Variants in PCDH15 observed in about 807,000 individuals in gnomAD.
PCDH15 encodes the protein protocadherin related 15.
In PCDH15, 129 loss-of-function variants were observed where a neutral mutation model predicts 178.5. The observed-to-expected ratio is 0.72, with a 90% CI of 0.63 to 0.84. The LOEUF is 0.84. Ranked by LOEUF, PCDH15 falls within the 40% of genes least tolerant of loss-of-function variation. The pLI is 0.00. For synonymous variants in PCDH15, 800 were observed against 732.0 expected, an observed-to-expected ratio of 1.09 and a Z score of -1.50; for missense variants, 2,230 against 2,099.9, an observed-to-expected ratio of 1.06 and a Z score of -1.21.
chr10:54,825,650 T>G (rs1046494399), intron 3 of PCDH15, among the ~76,000 whole-genome samples: 1 of 151,650 alleles, frequency 6.6e-6, no homozygotes, highest in African/African-American at 2.4e-5. Flanking sequence ...TTTCATGTGT[T>G]TTTTGGCTGC....
At chr10:54,737,992 G>T (rs1266030604) in intron 1 of PCDH15, among the ~76,000 whole-genome samples, 1 of 152,080 alleles carries the variant, frequency 6.6e-6, no homozygotes, top group Non-Finnish European at 1.5e-5. Flanking sequence ...GAAAGATCCA[G>T]CCAAATGGAT....
intron 15 of PCDH15, among the ~76,000 whole-genome samples, chr10:54,099,771 C>A (rs555124960): frequency 6.6e-6 from 1 of 151,954 alleles, no homozygotes; most frequent in African/African-American, 2.4e-5. Context: ...AATATAGCCC[C>A]TACCTTGAGA....
intron 18 of PCDH15, among the ~76,000 whole-genome samples, chr10:54,048,504 GTT>G (rs940103152): frequency 6.6e-6 from 1 of 152,056 alleles, no homozygotes; most frequent in Non-Finnish European, 1.5e-5. Flanking sequence ...TATTTCCTAG[GTT>G]TTCTTCCAGG....
intron 1 of PCDH15, among the ~76,000 whole-genome samples, chr10:54,759,516 C>A (rs145655640): frequency 6.6e-5 from 10 of 152,254 alleles, no homozygotes; most frequent in African/African-American, 2.2e-4. Flanking sequence ...TAGAAACAAC[C>A]TGCATGTATG....
intron 15 of PCDH15, among the ~76,000 whole-genome samples, chr10:54,111,980 AAAAAAAAC>A (rs1407769328): frequency 7.7e-6 from 1 of 129,524 alleles, no homozygotes; most frequent in African/African-American, 2.9e-5. Flanking sequence ...TACAAAAAAA[AAAAAAAAC>A]AAAACTTAGC....
intron 1 of PCDH15, among the ~76,000 whole-genome samples, chr10:54,678,217 C>A (rs1245955827): frequency 6.6e-6 from 1 of 152,076 alleles, no homozygotes; most frequent in Non-Finnish European, 1.5e-5. Flanking sequence ...TGCACATGTA[C>A]CTTTAAAGTA....
chr10:55,432,297 G>C (rs1481941799), intron 2 of PCDH15, among the ~76,000 whole-genome samples: 1 of 152,220 alleles, frequency 6.6e-6, no homozygotes, highest in Admixed American at 6.5e-5. Flanking sequence ...GTGTGGCTGA[G>C]ATATGAAGTC....
At chr10:54,317,992 C>T (rs1266229396) in intron 7 of PCDH15, among the ~76,000 whole-genome samples, 1 of 152,148 alleles carries the variant, frequency 6.6e-6, no homozygotes, top group African/African-American at 2.4e-5. Context: ...CATTACTAGA[C>T]AGCCTAACCA....
chr10:54,443,633 T>A (rs2075973540), intron 3 of PCDH15, among the ~76,000 whole-genome samples: 1 of 151,720 alleles, frequency 6.6e-6, no homozygotes, highest in African/African-American at 2.4e-5. Context: ...AAGCTCTTTC[T>A]TTTTCATAAA....
intron 3 of PCDH15, among the ~76,000 whole-genome samples, chr10:54,467,715 A>C (rs371852629): frequency 1.3e-5 from 2 of 150,706 alleles, no homozygotes; most frequent in African/African-American, 4.9e-5. Flanking sequence ...CTCCTCCCCA[A>C]ATATTTAAAA....
intron 1 of PCDH15, among the ~76,000 whole-genome samples, chr10:55,273,319 C>T (rs1008643891): frequency 1.3e-5 from 2 of 152,072 alleles, no homozygotes; most frequent in African/African-American, 2.4e-5. Context: ...TCTTACTATG[C>T]CTGCTCTAAA....
intron 2 of PCDH15, among the ~76,000 whole-genome samples, chr10:54,945,343 T>A (rs1838168816): frequency 1.6e-5 from 2 of 128,374 alleles, no homozygotes; most frequent in African/African-American, 5.4e-5. Context: ...GATAGATAGA[T>A]AGATAGATGA....
intron 2 of PCDH15, among the ~76,000 whole-genome samples, chr10:55,124,394 T>C (rs1837847270): frequency 1.3e-5 from 2 of 152,168 alleles, no homozygotes; most frequent in South Asian, 4.1e-4. Context: ...TTCAAGATGA[T>C]TTCGAATGAT....
At chr10:54,202,160 G>A (rs1020203) in intron 10 of PCDH15, among the ~76,000 whole-genome samples, 136,862 of 152,234 alleles carry the variant, frequency 0.9, 61,685 homozygotes, top group East Asian at 0.98. Context: ...GCAAATTGAG[G>A]ACTTTAGCAT....
chr10:55,187,971 C>T (rs1839842408), intron 1 of PCDH15, among the ~76,000 whole-genome samples: 1 of 151,722 alleles, frequency 6.6e-6, no homozygotes, highest in Non-Finnish European at 1.5e-5. Context: ...CAGAATGATC[C>T]GTTAGGACGC....
At chr10:54,030,120 T>C (rs1302593322) in intron 18 of PCDH15, among the ~76,000 whole-genome samples, 2 of 152,130 alleles carry the variant, frequency 1.3e-5, no homozygotes, top group African/African-American at 4.8e-5. Context: ...ATGTTATAGC[T>C]ATTATAAAGG....
Position 53,953,030 on chromosome 10 carries a change from G to A in PCDH15, c.3122+6702C>T, listed in dbSNP as rs76989958. 1.6e-3 allele frequency among the ~76,000 whole-genome samples: 243 copies of A among 152,344 alleles called. 2 individuals carry two copies. In the East Asian group the frequency reaches 0.041, roughly 26 times the overall value. Reference sequence around the variant, plus strand: ...GCTGGGTGATTGCACCTGCACCTGAGAGCTCTGGGCTCCAGCCCCTCCAAC... The same window carrying A: ...GCTGGGTGATTGCACCTGCACCTGAAAGCTCTGGGCTCCAGCCCCTCCAAC... On this transcript the variant is annotated intron_variant, in intron 23 of 37. Coordinates refer to ENST00000644397, the MANE Select transcript of PCDH15 (RefSeq NM_001384140.1).
chr10:55,458,206 C>T (rs1386613940), intron 2 of PCDH15, among the ~76,000 whole-genome samples: 1 of 151,948 alleles, frequency 6.6e-6, no homozygotes, highest in East Asian at 1.9e-4. Flanking sequence ...GGTTTGATTA[C>T]AAACTCTAAA....
intron 1 of PCDH15, chr10:55,627,819 A>C (rs977775391): frequency 5.9e-5 from 9 of 152,370 alleles, no homozygotes; most frequent in African/African-American, 2.2e-4. Context: ...ATCCAGTGTC[A>C]GGCACCAGGG....
Sources: gnomAD v4.1 joint callset for allele counts (sites outside exome capture counted in the v4.1 genomes callset) on GRCh38, gnomAD v4.1.1 for gene constraint, MANE v1.5 for transcripts, NCBI Gene and HGNC (gene_info 2026-07-23, HGNC 2026-07-21) for gene names.